ANO3: variants seen among roughly 807,000 people sequenced by gnomAD.
The protein encoded by ANO3 is anoctamin 3.
ANO3 carries 99 observed loss-of-function variants against 144.8 expected under a neutral mutation model. That is an observed-to-expected ratio of 0.68 (90% CI 0.58 to 0.81). The LOEUF (loss-of-function observed/expected upper bound fraction) is 0.81. ANO3 is among the 30% of genes least tolerant of loss of function. The pLI, the probability that ANO3 is intolerant of heterozygous loss-of-function variation, is 0.00. For missense variants in ANO3, 905 were observed against 1,202.2 expected (o/e 0.75, Z 3.66); for synonymous variants, 414 against 392.6 (o/e 1.05, Z -0.64).
At chr11:26,553,183 A>G (rs1849982220) in intron 12 of ANO3, 66 bp from the exon 13 acceptor site, 1 of 1,164,496 alleles carries the variant, frequency 8.6e-7, no homozygotes, top group Non-Finnish European at 1.3e-6. Flanking sequence ...TGTAGGGGCT[A>G]AGTGAATTCT....
At chr11:26,275,935 C>A (rs968151207) in intron 1 of ANO3, among the ~76,000 whole-genome samples, 2 of 152,112 alleles carry the variant, frequency 1.3e-5, no homozygotes, top group African/African-American at 4.8e-5. Context: ...CTCTCTGAAG[C>A]TGTATTCACT....
intron 4 of ANO3, among the ~76,000 whole-genome samples, chr11:26,500,089 C>G (rs898941527): frequency 6.0e-5 from 9 of 149,798 alleles, no homozygotes; most frequent in African/African-American, 2.2e-4. Context: ...TGGGTTCTTT[C>G]ATTTAGTAAC....
chr11:26,594,696 G>T (rs751475727), intron 14 of ANO3, among the ~76,000 whole-genome samples: 4 of 152,060 alleles, frequency 2.6e-5, no homozygotes, highest in Non-Finnish European at 5.9e-5. Flanking sequence ...GTTGGGGAAG[G>T]AGCTGGGAGA....
chr11:26,209,996 A>G (rs180749110), intron 1 of ANO3, among the ~76,000 whole-genome samples: 2 of 152,060 alleles, frequency 1.3e-5, no homozygotes, highest in Non-Finnish European at 1.5e-5. Flanking sequence ...TTAATTAGAT[A>G]TCATTTGTCA....
At chr11:26,546,507 C>T (rs1015059648) in intron 11 of ANO3, among the ~76,000 whole-genome samples, 2 of 151,876 alleles carry the variant, frequency 1.3e-5, no homozygotes, top group Non-Finnish European at 2.9e-5. Context: ...CTTTAAAGTG[C>T]CCATCTTTAT....
At chr11:26,472,633 T>C (rs1165584757) in intron 4 of ANO3, among the ~76,000 whole-genome samples, 1 of 151,912 alleles carries the variant, frequency 6.6e-6, no homozygotes, top group East Asian at 1.9e-4. Flanking sequence ...AAATTATGTT[T>C]ATTAGGCAGC....
intron 4 of ANO3, among the ~76,000 whole-genome samples, chr11:26,472,260 C>G (rs1859809642): frequency 6.6e-6 from 1 of 151,908 alleles, no homozygotes. Flanking sequence ...CCAAGCCCTC[C>G]AGGCTGTGAA....
intron 1 of ANO3, among the ~76,000 whole-genome samples, chr11:26,395,257 G>A (rs1856981026): frequency 6.6e-6 from 1 of 151,510 alleles, no homozygotes; most frequent in South Asian, 2.1e-4. Context: ...TGGCTATATG[G>A]GTTCTTTTAT....
At chr11:26,489,088 T>TAC (rs1484155169) in intron 4 of ANO3, among the ~76,000 whole-genome samples, 1 of 152,190 alleles carries the variant, frequency 6.6e-6, no homozygotes, top group Non-Finnish European at 1.5e-5. Flanking sequence ...TGGCTTCACC[T>TAC]CTCACCATCA....
intron 1 of ANO3, among the ~76,000 whole-genome samples, chr11:26,255,676 T>C (rs544464748): frequency 2.0e-5 from 3 of 152,280 alleles, no homozygotes; most frequent in African/African-American, 7.2e-5. Flanking sequence ...TAGACTAGTG[T>C]AGACTAGTGA....
At chr11:26,317,912 T>G (rs1324132820) in intron 1 of ANO3, among the ~76,000 whole-genome samples, 1 of 152,148 alleles carries the variant, frequency 6.6e-6, no homozygotes, top group Non-Finnish European at 1.5e-5. Flanking sequence ...TATACACCAT[T>G]GAATACTATG....
intron 4 of ANO3, among the ~76,000 whole-genome samples, chr11:26,506,368 C>T (rs189280656): frequency 0.022 from 3,361 of 152,268 alleles, 64 homozygotes; most frequent in Non-Finnish European, 0.035. Flanking sequence ...CACTTAACCT[C>T]TTTGGCTTCT....
At chr11:26,495,515 A>G in intron 4 of ANO3, among the ~76,000 whole-genome samples, 1 of 152,172 alleles carries the variant, frequency 6.6e-6, no homozygotes, top group East Asian at 1.9e-4. Context: ...CCAGCTTTCC[A>G]AAGATTCTAA....
At chr11:26,562,278 G>C (rs1008467751) in intron 14 of ANO3, among the ~76,000 whole-genome samples, 8 of 151,850 alleles carry the variant, frequency 5.3e-5, no homozygotes, top group Non-Finnish European at 7.4e-5. Flanking sequence ...ATAATTTACA[G>C]ATTTGGTTCT....
intron 14 of ANO3, among the ~76,000 whole-genome samples, chr11:26,588,871 T>G (rs1184763065): frequency 1.3e-5 from 2 of 152,254 alleles, no homozygotes; most frequent in Non-Finnish European, 2.9e-5. Flanking sequence ...GTTTTAAATG[T>G]TTCATTTGGT....
chr11:26,660,273 TG>T lies in ANO3; in HGVS notation c.2778del (p.Ile927LeufsTer8). On this transcript the variant is annotated frameshift_variant, in exon 27 of 27. Transcript: ENST00000256737. LOFTEE classifies it high-confidence loss of function. ...ATTTAAATTTGCAGCACCTTGTTTT[TG>T]GGATTAAGTCATTCATCGCATACCT... ...FIIVFEHLVFGIKSFIAYLIP... is the reference protein window; with the variant it reads ...FIIVFEHLVFXIKSFIAYLIP... 6.2e-7 allele frequency: 1 copy of T among 1,612,046 alleles called. No homozygotes were observed. The highest frequency in any genetic ancestry group is 8.5e-7 in the Non-Finnish European group (1 of 1,179,164).
At chr11:26,609,888 C>T (rs1852044762) in intron 17 of ANO3, among the ~76,000 whole-genome samples, 1 of 152,092 alleles carries the variant, frequency 6.6e-6, no homozygotes, top group African/African-American at 2.4e-5. Context: ...TTCTTTGTAT[C>T]CTAGCCAACG....
At position 26,441,971 on chromosome 11, in the gene ANO3, C is replaced by G. The variant is rs373387931; in HGVS notation, c.100C>G (p.Arg34Gly). 3.9e-5 allele frequency: 63 copies of G among 1,614,080 alleles called. No individual in the cohort carries two copies. Among genetic ancestry groups the G allele is most frequent in the Non-Finnish European group, 4.7e-5 (55 of 1,180,004 alleles). The change falls in exon 2 of 27, where the codon CGG (arginine) becomes GGG (glycine). Residue 34 changes from arginine to glycine, a missense_variant. Around this residue, in one of 4 missense-constraint regions of ANO3, gnomAD observed 174 missense variants for 171.9 expected, o/e 1.01. Transcript: ENST00000256737. ...AAAAGAAACTTCGTTAAAACCGTCT[C>G]GGAGATCCCTGCCTTGCCTCGCCCA... ...ITKETSLKPS[R>G]RSLPCLAQSY...
At position 26,245,018 on chromosome 11, in the gene ANO3, T is replaced by TGCATGC. The variant is rs1554928313; in HGVS notation, c.154+55689_154+55690insCATGCG. Reference sequence around the variant, plus strand: ...GTGTGTGTGTGTGTGTGTGTGTGTGTGTGCATGCATGCATTTGTCTTTCAT... The same window carrying TGCATGC: ...GTGTGTGTGTGTGTGTGTGTGTGTGTGCATGCGTGCATGCATGCATTTGTCTTTCAT... On this transcript the variant is annotated intron_variant, in intron 1 of 27. Coordinates refer to the ANO3 transcript ENST00000672621. Among the ~76,000 whole-genome samples, 217 of 145,426 alleles carry TGCATGC rather than the reference T, an allele frequency of 1.5e-3. 4 individuals carry two copies. The highest frequency in any genetic ancestry group is 5.1e-3 in the African/African-American group (201 of 39,540).
Sources: gnomAD v4.1 joint callset for allele counts (sites outside exome capture counted in the v4.1 genomes callset) on GRCh38, gnomAD v4.1.1 for gene constraint, gnomAD v4.1.1 regional missense constraint, MANE v1.5 for transcripts, NCBI Gene and HGNC (gene_info 2026-07-23, HGNC 2026-07-21) for gene names.